The following WDPCP variants were observed in gnomAD, a reference collection of about 807,000 sequenced individuals.
The protein encoded by WDPCP is WD repeat-containing and planar cell polarity effector protein fritz homolog.
Under a neutral mutation model 93.1 loss-of-function variants are expected in WDPCP, and 71 were observed. The observed-to-expected ratio is 0.76, with a 90% CI of 0.63 to 0.93. The LOEUF (loss-of-function observed/expected upper bound fraction) is 0.93. WDPCP is among the 40% of genes least tolerant of loss of function. WDPCP has a pLI of 0.00. For missense variants in WDPCP, 844 were observed against 887.4 expected, an observed-to-expected ratio of 0.95 and a Z score of 0.62; for synonymous variants, 315 against 315.0, an observed-to-expected ratio of 1.00 and a Z score of 0.00.
At position 63,473,467 on chromosome 2, in the gene WDPCP, AC is replaced by A. The variant is rs1335629368; in HGVS notation, c.384+11136del. Among the ~76,000 whole-genome samples, 7 of 151,940 alleles carry A rather than the reference AC, an allele frequency of 4.6e-5. No homozygotes were observed. In the East Asian group the frequency reaches 1.4e-3, roughly 29 times the overall value. ...TTCTCTTTATACAAACTTTCAACAT[AC>A]CCCCTTATTTTAAGTTCTACCTCCT... On this transcript the variant is annotated intron_variant, in intron 6 of 17. Coordinates refer to ENST00000272321, the MANE Select transcript of WDPCP (RefSeq NM_015910.7).
chr2:63,605,292 C>A, intron 3 of WDPCP: 1 of 1,612,600 alleles, frequency 6.2e-7, no homozygotes, highest in Non-Finnish European at 8.5e-7. Context: ...TGTGCAGCAG[C>A]GTGGCGCTGC....
chr2:63,377,805 AT>A (rs1158478343), intron 12 of WDPCP: 2 of 152,490 alleles, frequency 1.3e-5, no homozygotes, highest in African/African-American at 4.8e-5. Context: ...ATATATATAT[AT>A]ATATACATGC....
At chr2:63,204,530 C>T (rs760437241) in intron 14 of WDPCP, among the ~76,000 whole-genome samples, 3 of 151,490 alleles carry the variant, frequency 2.0e-5, no homozygotes, top group South Asian at 2.1e-4. Context: ...TTAGTTGAGT[C>T]GGGGTTTCAC....
intron 2 of WDPCP, among the ~76,000 whole-genome samples, chr2:63,766,481 T>G (rs975030753): frequency 6.6e-6 from 1 of 151,884 alleles, no homozygotes; most frequent in Non-Finnish European, 1.5e-5. Flanking sequence ...AGGCGTGTAC[T>G]ACCATGCCTA....
At chr2:63,475,410 C>T (rs1407525248) in intron 6 of WDPCP, among the ~76,000 whole-genome samples, 51 of 152,002 alleles carry the variant, frequency 3.4e-4, no homozygotes, top group Admixed American at 3.3e-3. Flanking sequence ...TCAGCAACAA[C>T]CTCTGAACTT....
intron 2 of WDPCP, among the ~76,000 whole-genome samples, chr2:63,700,282 C>CAAAAAAAAAAAAAAAAAAAAA (rs1196006011): frequency 4.8e-5 from 2 of 41,580 alleles, no homozygotes; most frequent in Non-Finnish European, 8.8e-5. Flanking sequence ...GACCCTGTCT[C>CAAAAAAAAAAAAAAAAAAAAA]AAAAAAAAAA....
chr2:63,378,344 A>G, intron 12 of WDPCP, 42 bp downstream of exon 12: 1 of 1,611,562 alleles, frequency 6.2e-7, no homozygotes, highest in Non-Finnish European at 8.5e-7. Flanking sequence ...TCCTGAAATA[A>G]GTAATTAGTC....
rs552951501 is a variant in WDPCP at position 63,625,486 on chromosome 2, G to A, written n.488+25173C>T. Among the ~76,000 whole-genome samples the A allele has an allele frequency of 1.1e-4, 16 of 152,242 alleles. 1 individual carries two copies. Among genetic ancestry groups the A allele is most frequent in the African/African-American group, 3.6e-4 (15 of 41,550 alleles). Reference sequence around the variant, plus strand: ...ATAAGCAACTTCAGCAAACTATCAGGATACAAAATCAATGTGCAAAAATCG... The same window carrying A: ...ATAAGCAACTTCAGCAAACTATCAGAATACAAAATCAATGTGCAAAAATCG... On this transcript the variant is annotated intron_variant and non_coding_transcript_variant, in intron 3 of 4. Transcript: ENST00000467687.
intron 12 of WDPCP, among the ~76,000 whole-genome samples, chr2:63,367,363 AAT>A (rs1691000145): frequency 6.6e-6 from 1 of 152,122 alleles, no homozygotes; most frequent in Non-Finnish European, 1.5e-5. Context: ...TAGTGACAGG[AAT>A]ATATGACAAT....
In WDPCP at chr2:63,184,155, T is replaced by C. The variant is rs914781911; in HGVS notation, c.1916-9323A>G. Among the ~76,000 whole-genome samples, 27 of 152,146 alleles carry C rather than the reference T, an allele frequency of 1.8e-4. 1 individual carries two copies. Among genetic ancestry groups the C allele is most frequent in the Admixed American group, 1.6e-3 (25 of 15,282 alleles). ...TTCATAGTTATATGTGAGGTTTGTT[T>C]CTATCATAATGTTAATTGTTATCAA... On this transcript the variant is annotated intron_variant, in intron 14 of 17. Coordinates refer to ENST00000272321, the MANE Select transcript of WDPCP (RefSeq NM_015910.7).
chr2:63,265,182 A>G (rs1681990719), intron 13 of WDPCP, among the ~76,000 whole-genome samples: 1 of 152,200 alleles, frequency 6.6e-6, no homozygotes, highest in South Asian at 2.1e-4. Context: ...GAAATAATAG[A>G]GAAAAAGGAA....
intron 3 of WDPCP, chr2:63,604,689 T>G: frequency 6.2e-7 from 1 of 1,609,894 alleles, no homozygotes; most frequent in East Asian, 2.2e-5. Flanking sequence ...GTTTTCAATT[T>G]AACTAGATTG....
chr2:63,285,130 C>G (rs1683883272), intron 13 of WDPCP, among the ~76,000 whole-genome samples: 1 of 152,108 alleles, frequency 6.6e-6, no homozygotes, highest in African/African-American at 2.4e-5. Context: ...TGAAGATGGT[C>G]TAAACAGTCC....
intron 13 of WDPCP, among the ~76,000 whole-genome samples, chr2:63,291,484 G>T (rs1684415236): frequency 6.6e-6 from 1 of 152,190 alleles, no homozygotes; most frequent in Admixed American, 6.5e-5. Context: ...TTGTGTCTCT[G>T]ATTTTTGGAT....
intron 1 of WDPCP, among the ~76,000 whole-genome samples, chr2:63,522,347 C>T (rs1702993378): frequency 1.3e-5 from 2 of 151,580 alleles, no homozygotes; most frequent in African/African-American, 4.9e-5. Flanking sequence ...AACATCACAC[C>T]TAGAGGAACT....
chr2:63,294,352 T>C (rs6705776), intron 13 of WDPCP, among the ~76,000 whole-genome samples: 123,020 of 151,930 alleles, frequency 0.81, 50,593 homozygotes, highest in East Asian at 0.96. Flanking sequence ...AAAATACGCA[T>C]ACAAAAAATT....
At chr2:63,604,960 C>CT in intron 3 of WDPCP, 1 of 1,326,740 alleles carries the variant, frequency 7.5e-7, no homozygotes, top group South Asian at 1.4e-5. Flanking sequence ...GAGGGCAGGT[C>CT]TTTCACAGTT....
chr2:63,713,798 A>C (rs1338627455), intron 2 of WDPCP, among the ~76,000 whole-genome samples: 1 of 152,142 alleles, frequency 6.6e-6, no homozygotes, highest in East Asian at 1.9e-4. Flanking sequence ...TCTCATCGTT[A>C]GGTTTGAGGT....
intron 2 of WDPCP, chr2:63,684,268 C>A: frequency 1.9e-6 from 1 of 523,576 alleles, no homozygotes. Context: ...TAGTAAGAAA[C>A]GCCCTTTTTG....
Sources: gnomAD v4.1 joint callset for allele counts (sites outside exome capture counted in the v4.1 genomes callset) on GRCh38, gnomAD v4.1.1 for gene constraint, MANE v1.5 for transcripts, NCBI Gene and HGNC (gene_info 2026-07-23, HGNC 2026-07-21) for gene names.